DPYSL5: variants seen among roughly 807,000 people sequenced by gnomAD.
DPYSL5 encodes the protein dihydropyrimidinase-related protein 5.
A neutral mutation model predicts 58.4 loss-of-function variants in DPYSL5; 9 were observed. That is an observed-to-expected ratio of 0.15 (90% CI 0.09 to 0.27). The LOEUF is 0.27. DPYSL5 is among the 10% of genes least tolerant of loss of function. DPYSL5 has a pLI of 1.00. For synonymous variants in DPYSL5, 293 were observed against 301.9 expected (o/e 0.97, Z 0.31); for missense variants, 499 against 770.6 (o/e 0.65, Z 4.17).
chr2:26,873,358 G>A (rs1453710956), intron 1 of DPYSL5, among the ~76,000 whole-genome samples: 4 of 151,706 alleles, frequency 2.6e-5, no homozygotes, highest in Admixed American at 6.6e-5. Flanking sequence ...ACCTCCGCTC[G>A]TGCTCCCCCT....
At chr2:26,926,083 C>A (rs983332204) in intron 3 of DPYSL5, among the ~76,000 whole-genome samples, 1 of 152,204 alleles carries the variant, frequency 6.6e-6, no homozygotes, top group Admixed American at 6.5e-5. Flanking sequence ...TTATGAAGTT[C>A]TTCAGTTGCA....
intron 1 of DPYSL5, among the ~76,000 whole-genome samples, chr2:26,871,917 C>G (rs1173142524): frequency 6.6e-6 from 1 of 152,064 alleles, no homozygotes; most frequent in Non-Finnish European, 1.5e-5. Flanking sequence ...TGAAAGCCAA[C>G]AGTATTATTA....
At chr2:26,921,353 T>C (rs899681234) in intron 2 of DPYSL5, among the ~76,000 whole-genome samples, 2 of 152,228 alleles carry the variant, frequency 1.3e-5, no homozygotes, top group Admixed American at 6.5e-5. Flanking sequence ...TCATTTTTAT[T>C]GGCTTCCATT....
intron 12 of DPYSL5, among the ~76,000 whole-genome samples, chr2:26,945,810 C>A (rs1259518311): frequency 6.6e-6 from 1 of 152,228 alleles, no homozygotes. Flanking sequence ...GGGAGACAAG[C>A]CCCATACACA....
intron 2 of DPYSL5, among the ~76,000 whole-genome samples, chr2:26,900,810 C>T (rs546655745): frequency 6.6e-6 from 1 of 152,332 alleles, no homozygotes; most frequent in East Asian, 1.9e-4. Flanking sequence ...TTCCTAGTTA[C>T]TGTCCCTGTT....
At position 26,944,497 on chromosome 2, in the gene DPYSL5, G is replaced by A. The variant is rs759475572; in HGVS notation, c.1441-159G>A. On this transcript the variant is annotated intron_variant, in intron 11 of 12. Transcript: ENST00000288699. The surrounding 1 kb of genome is among the most constrained non-coding windows in gnomAD (Gnocchi z 4.4). ...AGGTATGAGAAAACTCCAGCCCCTG[G>A]ACTCAATGTTTAAGAAGCCTTGGTC... 2.0e-5 allele frequency among the ~76,000 whole-genome samples: 3 copies of A among 152,144 alleles called. No individual in the cohort carries two copies. Among genetic ancestry groups the A allele is most frequent in the Non-Finnish European group, 4.4e-5 (3 of 68,022 alleles).
intron 2 of DPYSL5, among the ~76,000 whole-genome samples, chr2:26,915,186 A>G (rs1226497459): frequency 6.6e-6 from 1 of 151,946 alleles, no homozygotes; most frequent in Non-Finnish European, 1.5e-5. Flanking sequence ...GCCTAACCTA[A>G]CACGCTCCGT....
At chr2:26,904,674 G>A (rs1664244907) in intron 2 of DPYSL5, among the ~76,000 whole-genome samples, 1 of 152,170 alleles carries the variant, frequency 6.6e-6, no homozygotes, top group African/African-American at 2.4e-5. Context: ...AGGCCAAGCG[G>A]GGAAGATCAC....
At chr2:26,851,425 GAA>G (rs1159881583) in intron 1 of DPYSL5, among the ~76,000 whole-genome samples, 2 of 87,400 alleles carry the variant, frequency 2.3e-5, no homozygotes, top group East Asian at 4.6e-4. Context: ...TCTATCTCTG[GAA>G]AGAGTTCCAC....
chr2:26,889,431 G>A (rs574334595), intron 1 of DPYSL5, among the ~76,000 whole-genome samples: 2 of 152,012 alleles, frequency 1.3e-5, no homozygotes, highest in South Asian at 2.1e-4. Flanking sequence ...CACCACGCCC[G>A]GCTAATTTTT....
rs1386803336 is a variant in DPYSL5 at position 26,944,288 on chromosome 2, A to C, written c.1441-368A>C. ...CGACAGAGTGAGACTCTGTCTCAAA[A>C]AAAAGAAAAGAAAAATTTGGTTAAA... On this transcript the variant is annotated intron_variant, in intron 11 of 12. Transcript: ENST00000288699. This position sits in a 1 kb window ranked among gnomAD's most constrained non-coding sequence, Gnocchi z 4.4. 6.6e-6 allele frequency among the ~76,000 whole-genome samples: 1 copy of C among 152,134 alleles called. No individual in the cohort carries two copies. The highest frequency in any genetic ancestry group is 1.5e-5 in the Non-Finnish European group (1 of 68,012).
In DPYSL5 at chr2:26,934,784, A is replaced by C; in HGVS notation, c.947+50A>C. ...CAGGGATGTGTACATCTTTAGGAAGACGTCATAGAGGGCCCAGGAAACAAA... is the reference window on the plus strand; with the variant it reads ...CAGGGATGTGTACATCTTTAGGAAGCCGTCATAGAGGGCCCAGGAAACAAA... On this transcript the variant is annotated intron_variant, in intron 8 of 12. Transcript: ENST00000288699. The surrounding 1 kb of genome is among the most constrained non-coding windows in gnomAD (Gnocchi z 4.3). 6.2e-7 allele frequency: 1 copy of C among 1,601,734 alleles called. No individual in the cohort carries two copies. Among genetic ancestry groups the C allele is most frequent in the African/African-American group, 1.3e-5 (1 of 74,854 alleles).
intron 11 of DPYSL5, among the ~76,000 whole-genome samples, chr2:26,943,944 C>A (rs1665392726): frequency 6.6e-6 from 1 of 152,138 alleles, no homozygotes; most frequent in South Asian, 2.1e-4. Flanking sequence ...GGTGTGGCTT[C>A]GTGGGAGCCT....
At chr2:26,901,029 GGTGA>G (rs1334833930) in intron 2 of DPYSL5, among the ~76,000 whole-genome samples, 2 of 152,124 alleles carry the variant, frequency 1.3e-5, no homozygotes, top group African/African-American at 2.4e-5. Flanking sequence ...TATGCAAGGT[GGTGA>G]GTAACTCTTG....
intron 1 of DPYSL5, among the ~76,000 whole-genome samples, chr2:26,865,880 C>T (rs1478197934): frequency 2.6e-5 from 4 of 152,174 alleles, no homozygotes; most frequent in African/African-American, 9.7e-5. Context: ...CCTTGCCCCC[C>T]ACCAGCAATT....
At chr2:26,923,627 ACT>A (rs1349877163) in intron 2 of DPYSL5, among the ~76,000 whole-genome samples, 1 of 151,848 alleles carries the variant, frequency 6.6e-6, no homozygotes, top group Non-Finnish European at 1.5e-5. Flanking sequence ...CCTCACAAAG[ACT>A]CTCATGTTAT....
Position 26,927,143 on chromosome 2 carries a change from A to G in DPYSL5, c.421-110A>G. On this transcript the variant is annotated intron_variant, in intron 3 of 12. Coordinates refer to ENST00000288699, the MANE Select transcript of DPYSL5 (RefSeq NM_020134.4). The surrounding 1 kb of genome is among the most constrained non-coding windows in gnomAD (Gnocchi z 4.3). ...AGAGAGGTGTGGGGGGTCAACCGACAGACTGAGCTGGGGCAGGCCCCACAT... is the reference window on the plus strand; with the variant it reads ...AGAGAGGTGTGGGGGGTCAACCGACGGACTGAGCTGGGGCAGGCCCCACAT... The G allele has an allele frequency of 2.5e-6, 3 of 1,191,540 alleles. No individual in the cohort carries two copies. The highest frequency in any genetic ancestry group is 3.5e-6 in the Non-Finnish European group (3 of 858,846). The allele number at this position is 1,191,540 out of a possible 1,614,324, so 73.8% of individuals were successfully genotyped here. A position where few individuals can be genotyped will look rare whatever the true frequency, so the allele number is the denominator to read the frequency against.
At chr2:26,861,977 G>A (rs1666028820) in intron 1 of DPYSL5, among the ~76,000 whole-genome samples, 1 of 152,204 alleles carries the variant, frequency 6.6e-6, no homozygotes, top group Admixed American at 6.5e-5. Flanking sequence ...CAAGAAATTG[G>A]TGGCTTCTAG....
intron 5 of DPYSL5, among the ~76,000 whole-genome samples, chr2:26,929,867 G>C (rs2384511): frequency 6.6e-6 from 1 of 152,192 alleles, no homozygotes. Context: ...CACATTAGAC[G>C]AATAACGCAT....
Sources: gnomAD v4.1 joint callset for allele counts (sites outside exome capture counted in the v4.1 genomes callset) on GRCh38, gnomAD v4.1.1 for gene constraint, Gnocchi (gnomAD v3.1) non-coding constraint, MANE v1.5 for transcripts, NCBI Gene and HGNC (gene_info 2026-07-23, HGNC 2026-07-21) for gene names.